The following NUTM2G variants were observed in gnomAD, a reference collection of about 807,000 sequenced individuals.
NUTM2G encodes the protein family with sequence similarity 22, member G.
NUTM2G carries 29 observed loss-of-function variants against 44.3 expected under a neutral mutation model. The observed-to-expected ratio is 0.66, with a 90% CI of 0.49 to 0.89. The LOEUF is 0.89. Ranked by LOEUF, NUTM2G falls within the 40% of genes least tolerant of loss-of-function variation. The probability of loss-of-function intolerance (pLI) is 0.00; values close to 1 mark genes in which losing one functional copy is unlikely to be tolerated. For missense variants in NUTM2G, 502 were observed against 946.5 expected (o/e 0.53, Z 6.16); for synonymous variants, 205 against 395.9 (o/e 0.52, Z 5.72).
At chr9:96,930,395 G>A (rs1826201301) in intron 1 of NUTM2G, among the ~76,000 whole-genome samples, 1 of 152,060 alleles carries the variant, frequency 6.6e-6, no homozygotes. Context: ...ATGGTGGCGG[G>A]AGCCTGTAAT....
chr9:96,929,787 C>T (rs1826179636), intron 1 of NUTM2G, among the ~76,000 whole-genome samples: 2 of 152,136 alleles, frequency 1.3e-5, no homozygotes, highest in African/African-American at 4.8e-5. Flanking sequence ...TCAGCTAGCT[C>T]GTGGCCCGTC....
downstream of NUTM2G, among the ~76,000 whole-genome samples, chr9:96,940,778 T>C (rs1484792650): frequency 6.6e-6 from 1 of 152,164 alleles, no homozygotes; most frequent in Non-Finnish European, 1.5e-5. Flanking sequence ...CATGTTTGGG[T>C]TCTCTCTGGC....
At chr9:96,931,620 C>T (rs1826245342) in intron 1 of NUTM2G, 102 bp from the exon 2 acceptor site, 2 of 1,232,008 alleles carry the variant, frequency 1.6e-6, no homozygotes, top group East Asian at 2.6e-5. Context: ...TGCAGAGTTT[C>T]CCTGTCACAT....
At position 96,932,642 on chromosome 9, in the gene NUTM2G, C is replaced by T. The variant is rs1269692725; in HGVS notation, c.713+224C>T. 7.1e-4 allele frequency among the ~76,000 whole-genome samples: 108 copies of T among 151,642 alleles called. 2 individuals are homozygous for T. Among genetic ancestry groups the T allele is most frequent in the Non-Finnish European group, 5.9e-5 (4 of 68,012 alleles). ...GCCTGTCACTGTCCCGTGAGTCCAG[C>T]CAATCCTTAATTTTTTTTTTTTTTT... On this transcript the variant is annotated intron_variant, in intron 2 of 6. Coordinates refer to ENST00000372322, the MANE Select transcript of NUTM2G (RefSeq NM_001170741.3).
intron 2 of NUTM2G, among the ~76,000 whole-genome samples, chr9:96,934,992 C>T (rs1178619621): frequency 2.0e-5 from 3 of 152,188 alleles, no homozygotes; most frequent in Non-Finnish European, 4.4e-5. Flanking sequence ...ATGACCTGCT[C>T]TAACCCTGAT....
chr9:96,931,777 G>C lies in NUTM2G; in HGVS notation c.72G>C (p.Val24=). ...VTVNPGTSLS[V]FTALPFATPS... is the part of the protein sequence containing the mutation. ...TGAACCCTGGCACCTCCCTGTCTGTGTTCACGGCTCTGCCCTTTGCCACAC... is the reference window on the plus strand; with the variant it reads ...TGAACCCTGGCACCTCCCTGTCTGTCTTCACGGCTCTGCCCTTTGCCACAC... The change falls in exon 2 of 7, where the codon GTG becomes GTC. Residue 24 remains valine (V), a synonymous_variant. Coordinates refer to ENST00000372322, the MANE Select transcript of NUTM2G (RefSeq NM_001170741.3). 6.2e-7 allele frequency: 1 copy of C among 1,611,642 alleles called. No homozygotes were observed.
At position 96,936,494 on chromosome 9, in the gene NUTM2G, C is replaced by A. The variant is rs1328077847; in HGVS notation, c.912C>A (p.Ser304Arg). 5.8e-6 allele frequency: 9 copies of A among 1,551,368 alleles called. No individual in the cohort carries two copies. The highest frequency in any genetic ancestry group is 4.7e-5 in the South Asian group (4 of 85,494). Residue 304 changes from serine to arginine, a missense_variant, in exon 4 of 7, where the codon AGC becomes AGA. Ser to Arg is a moderately radical substitution (Grantham distance 110, BLOSUM62 -1). Transcript: ENST00000372322. ...QKSQWMKGPQ[S>R]LPPPAPPRLE... ...CGCAGTGGATGAAGGGGCCCCAGAG[C>A]CTGCCTCCTCCAGCCCCGCCGAGGC...
intron 2 of NUTM2G, among the ~76,000 whole-genome samples, chr9:96,934,989 G>C (rs1411874232): frequency 2.0e-5 from 3 of 152,132 alleles, no homozygotes; most frequent in Non-Finnish European, 2.9e-5. Context: ...CTCATGACCT[G>C]CTCTAACCCT....
chr9:96,942,071 G>A (rs1405642544), downstream of NUTM2G, among the ~76,000 whole-genome samples: 1 of 151,868 alleles, frequency 6.6e-6, no homozygotes, highest in Admixed American at 6.5e-5. Flanking sequence ...GGGCGGCCCC[G>A]GGCAGGTTTG....
chr9:96,933,075 T>G (rs886522846), intron 2 of NUTM2G, among the ~76,000 whole-genome samples: 4 of 151,246 alleles, frequency 2.6e-5, no homozygotes, highest in Non-Finnish European at 5.9e-5. Context: ...CCTCCCAGGT[T>G]CACGTCATTC....
At chr9:96,930,889 T>G (rs1177000087) in intron 1 of NUTM2G, among the ~76,000 whole-genome samples, 1 of 75,688 alleles carries the variant, frequency 1.3e-5, no homozygotes, top group African/African-American at 8.1e-5. Context: ...TTTTTTTTTT[T>G]TTTTTTTTTT....
In NUTM2G at chr9:96,931,962, G is replaced by A; in HGVS notation, c.257G>A (p.Arg86Lys). 6.2e-7 allele frequency: 1 copy of A among 1,611,794 alleles called. No homozygotes were observed. The highest frequency in any genetic ancestry group is 8.5e-7 in the Non-Finnish European group (1 of 1,179,828). The change falls in exon 2 of 7, where the codon AGG becomes AAG. Residue 86 changes from arginine to lysine, a missense_variant. By Grantham distance (26) the Arg-to-Lys change is conservative. Coordinates refer to ENST00000372322, the MANE Select transcript of NUTM2G (RefSeq NM_001170741.3). The stretch of plus-strand genomic sequence containing the variant: ...GCTTCCAACGTCTTTGTCCAGATGA[G>A]GACAGAAGTGGGGCCTGTGAAGCCC... ...AGASNVFVQM[R>K]TEVGPVKPPQ...
chr9:96,930,870 TG>T (rs752746374), intron 1 of NUTM2G, among the ~76,000 whole-genome samples: 3 of 119,770 alleles, frequency 2.5e-5, no homozygotes, highest in African/African-American at 6.2e-5. Flanking sequence ...TTCCATCCAG[TG>T]GTTTTTTTTT....
rs779704948 is a variant in NUTM2G at position 96,935,433 on chromosome 9, G to C, written c.819G>C (p.Met273Ile). The C allele has an allele frequency of 2.5e-6, 4 of 1,612,074 alleles. No individual in the cohort carries two copies. In the East Asian group the frequency reaches 8.9e-5, roughly 36 times the overall value. The change falls in exon 3 of 7, where the codon ATG (methionine) becomes ATC (isoleucine). Residue 273 changes from methionine to isoleucine, a missense_variant. By Grantham distance (10) the Met-to-Ile change is conservative. Coordinates refer to ENST00000372322, the MANE Select transcript of NUTM2G (RefSeq NM_001170741.3). The part of the protein sequence containing the change: ...EWQHTSNFDR[M>I]IFYEMAAKFL... ...AGCACACGAGCAACTTTGACCGGAT[G>C]ATTTTCTACGAGATGGCGGCAAAGT...
At chr9:96,940,573 C>T (rs1449752802), downstream of NUTM2G, among the ~76,000 whole-genome samples, 1 of 150,696 alleles carries the variant, frequency 6.6e-6, no homozygotes, top group Admixed American at 6.6e-5. Context: ...TTCTTCTCCA[C>T]AGTCTGAGTT....
rs757643985 is a variant in NUTM2G, at chr9:96,932,019, C to A, written c.314C>A (p.Ala105Asp). 6 of 1,609,552 alleles carry A rather than the reference C, an allele frequency of 3.7e-6. No homozygotes were observed. The highest frequency in any genetic ancestry group is 5.1e-6 in the Non-Finnish European group (6 of 1,178,986). The change falls in exon 2 of 7, where the codon GCC becomes GAC. Residue 105 changes from alanine to aspartate, a missense_variant. Ala to Asp is a moderately radical substitution (Grantham distance 126). Coordinates refer to ENST00000372322, the MANE Select transcript of NUTM2G (RefSeq NM_001170741.3). ...GCACAGACCTTGATCCTAACTCAGG[C>A]CCCCCTCGTCTGGCAGGCTCCAGGC... ...PQAQTLILTQ[A>D]PLVWQAPGTL...
rs1357216810 is a variant in NUTM2G, at chr9:96,938,576, C to T, written c.1653C>T (p.Arg551=). The change falls in exon 7 of 7, where the codon CGC becomes CGT. Residue 551 remains arginine (R), a synonymous_variant. Coordinates refer to ENST00000372322, the MANE Select transcript of NUTM2G (RefSeq NM_001170741.3). ...AQDPQGQGRV[R]TGMARSEDPA... The stretch of plus-strand genomic sequence containing the variant: ...ACCCTCAGGGACAGGGCAGAGTGCG[C>T]ACTGGCATGGCCAGGTCCGAAGACC... The T allele has an allele frequency of 3.7e-6, 6 of 1,613,438 alleles. No individual in the cohort carries two copies. The highest frequency in any genetic ancestry group is 1.7e-5 in the Admixed American group (1 of 60,002).
chr9:96,930,872 G>GTTTTTTTTTTTTTTTTTTTT (rs1168888338), intron 1 of NUTM2G, among the ~76,000 whole-genome samples: 4 of 72,726 alleles, frequency 5.5e-5, no homozygotes, highest in Non-Finnish European at 7.5e-5. Flanking sequence ...CCATCCAGTG[G>GTTTTTTTTTTTTTTTTTTTT]TTTTTTTTTT....
Position 96,937,391 on chromosome 9 carries a change from A to C in NUTM2G, c.1310A>C (p.Asp437Ala), listed in dbSNP as rs1826470949. The C allele has an allele frequency of 6.2e-7, 1 of 1,613,478 alleles. No homozygotes were observed. The highest frequency in any genetic ancestry group is 1.7e-5 in the Admixed American group (1 of 60,014). Reference sequence around the variant, plus strand: ...ATTGACAAGCTGTGTTCCCAGGAAGACTTTGTCACCAAGGTGGGCTTGCCT... The same window carrying C: ...ATTGACAAGCTGTGTTCCCAGGAAGCCTTTGTCACCAAGGTGGGCTTGCCT... ...SYIDKLCSQE[D>A]FVTKVEAVIH... Residue 437 changes from aspartate (D) to alanine (A), a missense_variant, in exon 5 of 7, where the codon GAC becomes GCC. Physicochemically the swap from Asp to Ala is moderately radical, Grantham distance 126. Transcript: ENST00000372322.
Sources: allele counts gnomAD v4.1 joint callset (sites outside exome capture counted in the v4.1 genomes callset), GRCh38; gene constraint gnomAD v4.1.1; transcripts MANE v1.5; gene names NCBI Gene and HGNC (gene_info 2026-07-23, HGNC 2026-07-21).